Variants in MTOR observed in about 807,000 individuals in gnomAD.
MTOR encodes the protein mechanistic target of rapamycin kinase.
MTOR carries 70 observed loss-of-function variants against 319.8 expected under a neutral mutation model. The observed-to-expected ratio is 0.22, with a 90% CI of 0.18 to 0.27. The LOEUF (loss-of-function observed/expected upper bound fraction) is 0.27. Among genes scored for constraint, MTOR ranks in the 10% least tolerant of loss-of-function variants. MTOR has a pLI of 1.00. For missense variants in MTOR, 1,890 were observed against 3,274.4 expected, an observed-to-expected ratio of 0.58 and a Z score of 10.32; for synonymous variants, 1,183 against 1,211.4, an observed-to-expected ratio of 0.98 and a Z score of 0.49.
intron 19 of MTOR, among the ~76,000 whole-genome samples, chr1:11,219,763 C>T (rs1646596544): frequency 6.6e-6 from 1 of 151,820 alleles, no homozygotes; most frequent in South Asian, 2.1e-4. Context: ...GTGGCTCATG[C>T]CTATAATTCC....
rs70977555 is a variant in MTOR at position 11,242,500 on chromosome 1, C to CAAAAAAAAAAAAAAAA, written c.1412+598_1412+613dup. ...GGGCAACCAAAGTAAGACTCCATCT[C>CAAAAAAAAAAAAAAAA]AAAAAAAAAAAAAAAAAAAAAAAAA... On this transcript the variant is annotated intron_variant, in intron 9 of 57. Coordinates refer to ENST00000361445, the MANE Select transcript of MTOR (RefSeq NM_004958.4). Among the ~76,000 whole-genome samples, 3 of 52,632 alleles carry CAAAAAAAAAAAAAAAA rather than the reference C, an allele frequency of 5.7e-5. No individual in the cohort carries two copies. The South Asian group carries it at 2.8e-3, about 50-fold the overall frequency. 34.5% of individuals were successfully genotyped at this position (52,632 alleles called of 152,430 possible).
intron 28 of MTOR, among the ~76,000 whole-genome samples, chr1:11,196,312 G>A (rs906091220): frequency 2.6e-5 from 4 of 152,150 alleles, no homozygotes; most frequent in Non-Finnish European, 5.9e-5. Flanking sequence ...GTGTGTGTGC[G>A]CTTTCTAACA....
intron 28 of MTOR, among the ~76,000 whole-genome samples, chr1:11,182,199 A>G (rs1432696356): frequency 6.6e-6 from 1 of 151,774 alleles, no homozygotes; most frequent in Non-Finnish European, 1.5e-5. Flanking sequence ...CCTGGGCAAT[A>G]AGAGCGAAAC....
At chr1:11,112,150 G>A (rs560243210) in intron 54 of MTOR, among the ~76,000 whole-genome samples, 38 of 152,104 alleles carry the variant, frequency 2.5e-4, no homozygotes, top group Middle Eastern at 3.2e-3. Flanking sequence ...TCTGTGAGTC[G>A]CGCTCCTAGA....
intron 28 of MTOR, among the ~76,000 whole-genome samples, chr1:11,177,718 T>C (rs985831438): frequency 2.0e-5 from 3 of 152,132 alleles, no homozygotes; most frequent in African/African-American, 7.2e-5. Context: ...TGTGAGAAAG[T>C]GTGAGCCCTT....
At chr1:11,221,351 T>A (rs980939174) in intron 19 of MTOR, among the ~76,000 whole-genome samples, 1 of 151,874 alleles carries the variant, frequency 6.6e-6, no homozygotes, top group Admixed American at 6.6e-5. Context: ...CAGAAACAAA[T>A]GAGTATAACT....
intron 26 of MTOR, among the ~76,000 whole-genome samples, chr1:11,201,642 AAAAAG>A (rs1321064776): frequency 6.6e-6 from 1 of 151,936 alleles, no homozygotes; most frequent in Non-Finnish European, 1.5e-5. Context: ...GAAGAGAATA[AAAAAG>A]AAAATAATCA....
chr1:11,160,393 C>T (rs966258926), intron 29 of MTOR, among the ~76,000 whole-genome samples: 3 of 152,154 alleles, frequency 2.0e-5, no homozygotes, highest in African/African-American at 4.8e-5. Context: ...AGCCACTGCG[C>T]CCGGCTGTAT....
Position 11,247,641 on chromosome 1 carries a change from T to C in MTOR, c.1209A>G (p.Arg403=). The C allele has an allele frequency of 6.2e-7, 1 of 1,614,070 alleles. No individual in the cohort carries two copies. Residue 403 remains arginine, a synonymous_variant, in exon 8 of 58, where the codon CGA becomes CGG. Transcript: ENST00000361445. The part of the protein sequence containing the change: ...LNLLPRLAAF[R]PSAFTDTQYL... ...CATCCTCACCTGTGAAGGCAGAAGGTCGGAATGCAGCCAAGCGGGGCAACA... is the reference window on the plus strand; with the variant it reads ...CATCCTCACCTGTGAAGGCAGAAGGCCGGAATGCAGCCAAGCGGGGCAACA...
At chr1:11,122,270 C>G in intron 47 of MTOR, 144 bp from the exon 48 acceptor site, 2 of 952,148 alleles carry the variant, frequency 2.1e-6, no homozygotes, top group Non-Finnish European at 3.0e-6. Context: ...GTGGCACAAT[C>G]TTGGCTCACT....
At position 11,142,062 on chromosome 1, in the gene MTOR, A is replaced by C. The variant is rs1643737564; in HGVS notation, c.4873-2404T>G. Among the ~76,000 whole-genome samples the C allele has an allele frequency of 2.6e-5, 4 of 152,222 alleles. No individual in the cohort carries two copies. The South Asian group carries it at 8.3e-4, about 32-fold the overall frequency. On this transcript the variant is annotated intron_variant, in intron 34 of 57. Coordinates refer to ENST00000361445, the MANE Select transcript of MTOR (RefSeq NM_004958.4). ...AATAAAAAAGTGAATTAATTATCAA[A>C]GGGGCTTAAGCTAATTTTACATCTA...
At chr1:11,243,700 A>C (rs1648408124) in intron 8 of MTOR, among the ~76,000 whole-genome samples, 2 of 152,172 alleles carry the variant, frequency 1.3e-5, no homozygotes, top group African/African-American at 4.8e-5. Context: ...AAAAAAAAAA[A>C]AACCCAAAAA....
At chr1:11,235,646 A>G (rs1291935212) in intron 13 of MTOR, among the ~76,000 whole-genome samples, 1 of 152,190 alleles carries the variant, frequency 6.6e-6, no homozygotes. Context: ...ACTCTGCAAT[A>G]TTGAAAAAAT....
chr1:11,221,204 AG>A (rs1646649617), intron 19 of MTOR, among the ~76,000 whole-genome samples: 1 of 152,134 alleles, frequency 6.6e-6, no homozygotes, highest in Non-Finnish European at 1.5e-5. Context: ...CATGTTGGCC[AG>A]GCTGGTCTCA....
rs1002420426 is a variant in MTOR, at chr1:11,228,980, C to T, written c.2780-62G>A. ...TGGCATGACGTGACTTCAGGCAGAG[C>T]ATGGTTAGTAACAAACAACCTCCTA... On this transcript the variant is annotated intron_variant, in intron 18 of 57. Coordinates refer to ENST00000361445, the MANE Select transcript of MTOR (RefSeq NM_004958.4). 3 of 1,586,698 alleles carry T rather than the reference C, an allele frequency of 1.9e-6. No homozygotes were observed. The East Asian group carries it at 6.7e-5, about 36-fold the overall frequency.
chr1:11,195,595 CG>C (rs1219394341), intron 28 of MTOR: 1 of 154,182 alleles, frequency 6.5e-6, no homozygotes, highest in East Asian at 1.9e-4. Context: ...GCTGGACTTG[CG>C]GGGAGGAAAC....
intron 34 of MTOR, among the ~76,000 whole-genome samples, chr1:11,143,260 A>G (rs756856499): frequency 6.6e-6 from 1 of 152,236 alleles, no homozygotes; most frequent in Non-Finnish European, 1.5e-5. Context: ...AGGTGGTGGC[A>G]GTGTCCTGGA....
chr1:11,137,908 T>C (rs1643505061), intron 36 of MTOR, among the ~76,000 whole-genome samples: 1 of 152,248 alleles, frequency 6.6e-6, no homozygotes, highest in Non-Finnish European at 1.5e-5. Flanking sequence ...GTGAGTGTCT[T>C]GCTCAGTAGC....
intron 1 of MTOR, among the ~76,000 whole-genome samples, chr1:11,259,628 G>A (rs1650855863): frequency 6.6e-6 from 1 of 152,130 alleles, no homozygotes; most frequent in Non-Finnish European, 1.5e-5. Context: ...AGTGTAGTAG[G>A]GAGGTTAAAT....
Sources: gnomAD v4.1 joint callset for allele counts (sites outside exome capture counted in the v4.1 genomes callset) on GRCh38, gnomAD v4.1.1 for gene constraint, MANE v1.5 for transcripts, NCBI Gene and HGNC (gene_info 2026-07-23, HGNC 2026-07-21) for gene names.